COL17A1: variants seen among roughly 807,000 people sequenced by gnomAD.
COL17A1 encodes the protein collagen type XVII alpha 1 chain.
Under a neutral mutation model 218.4 loss-of-function variants are expected in COL17A1, and 181 were observed. That is an observed-to-expected ratio of 0.83 (90% CI 0.73 to 0.94). COL17A1 has a LOEUF of 0.94. Among genes scored for constraint, COL17A1 ranks in the 40% least tolerant of loss-of-function variants. COL17A1 has a pLI of 0.00. For synonymous variants in COL17A1, 721 were observed against 731.0 expected (o/e 0.99, Z 0.22); for missense variants, 1,924 against 1,945.9 (o/e 0.99, Z 0.21).
intron 53 of COL17A1, 58 bp downstream of exon 53, chr10:104,033,180 G>C (rs1844711855): frequency 6.4e-7 from 1 of 1,559,682 alleles, no homozygotes; most frequent in Non-Finnish European, 8.7e-7. Flanking sequence ...CTCTGGAGCA[G>C]ACCCGTGGGA....
At chr10:104,035,815 TGA>T (rs1480578477) in intron 48 of COL17A1, among the ~76,000 whole-genome samples, 5 of 151,548 alleles carry the variant, frequency 3.3e-5, no homozygotes, top group South Asian at 2.1e-4. Context: ...TGTATGGGAG[TGA>T]GTGTGTGTGT....
At chr10:104,032,435 T>G (rs1844698177) in intron 55 of COL17A1, 145 bp from the exon 56 acceptor site, 1 of 821,734 alleles carries the variant, frequency 1.2e-6, no homozygotes, top group African/African-American at 1.7e-5. Context: ...TTTAACTTGT[T>G]TGCCCCATTT....
At chr10:104,074,819 GTGTC>G (rs1564686425) in intron 5 of COL17A1, among the ~76,000 whole-genome samples, 1 of 152,212 alleles carries the variant, frequency 6.6e-6, no homozygotes, top group Non-Finnish European at 1.5e-5. Flanking sequence ...ATTCACTAGA[GTGTC>G]TGGGCCTTAC....
At chr10:104,059,832 G>T in intron 14 of COL17A1, 114 bp from the exon 15 acceptor site, 12 of 1,144,294 alleles carry the variant, frequency 1.0e-5, no homozygotes, top group Non-Finnish European at 1.6e-5. Flanking sequence ...AGGTTAGACT[G>T]GTAAGAAGAG....
intron 41 of COL17A1, 148 bp from the exon 42 acceptor site, chr10:104,039,788 A>C: frequency 1.9e-6 from 2 of 1,070,266 alleles, no homozygotes; most frequent in East Asian, 2.7e-5. Flanking sequence ...ACACACACAC[A>C]CACACACGCA....
In COL17A1 at chr10:104,056,869, C is replaced by T. The variant is rs1312814636; in HGVS notation, c.1465+106G>A. On this transcript the variant is annotated intron_variant, in intron 17 of 55. Coordinates refer to ENST00000648076, the MANE Select transcript of COL17A1 (RefSeq NM_000494.4). Reference sequence around the variant, plus strand: ...CTGCACCAATGCATTCAGGTCCCCTCGCCCCCTAACACGTGGGCCCATTCA... The same window carrying T: ...CTGCACCAATGCATTCAGGTCCCCTTGCCCCCTAACACGTGGGCCCATTCA... The T allele has an allele frequency of 1.3e-5, 20 of 1,538,078 alleles. 1 individual carries two copies. Among genetic ancestry groups the T allele is most frequent in the Admixed American group, 9.8e-5 (5 of 50,930 alleles).
chr10:104,063,370 GTAGT>G (rs2086599294), intron 11 of COL17A1, among the ~76,000 whole-genome samples: 2 of 152,178 alleles, frequency 1.3e-5, no homozygotes, highest in Non-Finnish European at 2.9e-5. Flanking sequence ...AGATCTGAAA[GTAGT>G]TACTCAATGA....
In COL17A1 at chr10:104,040,388, T is replaced by TG; in HGVS notation, c.2723dup (p.Gly909ArgfsTer56). 6.2e-7 allele frequency: 1 copy of TG among 1,611,534 alleles called. No homozygotes were observed. Among genetic ancestry groups the TG allele is most frequent in the Non-Finnish European group, 8.5e-7 (1 of 1,177,682 alleles). On this transcript the variant is annotated frameshift_variant, in exon 40 of 56. Coordinates refer to ENST00000648076, the MANE Select transcript of COL17A1 (RefSeq NM_000494.4). LOFTEE classifies it high-confidence loss of function. Reference sequence around the variant, plus strand: ...TGGGACCTGGGGGGCCAGGTGGGCCTGGGGGGCCGGAGAGGAAGGTTTCTG... The same window carrying TG: ...TGGGACCTGGGGGGCCAGGTGGGCCTGGGGGGGCCGGAGAGGAAGGTTTCTG...
At chr10:104,032,418 A>G in intron 55 of COL17A1, 128 bp from the exon 56 acceptor site, 1 of 867,892 alleles carries the variant, frequency 1.2e-6, no homozygotes, top group South Asian at 1.4e-5. Flanking sequence ...TTGTAAGACT[A>G]CATTTATTTA....
At chr10:104,033,432 G>A (rs1844717925) in intron 52 of COL17A1, 57 bp from the exon 53 acceptor site, 1 of 1,589,328 alleles carries the variant, frequency 6.3e-7, no homozygotes, top group South Asian at 1.1e-5. Flanking sequence ...ACCCTCTTCA[G>A]CAGGAGCACA....
At chr10:104,037,170 A>G in intron 46 of COL17A1, 57 bp from the exon 47 acceptor site, 1 of 1,489,114 alleles carries the variant, frequency 6.7e-7, no homozygotes, top group East Asian at 2.4e-5. Flanking sequence ...CAACACCCTC[A>G]CTATTCCAGA....
intron 44 of COL17A1, 48 bp downstream of exon 44, chr10:104,039,023 C>T (rs376750187): frequency 4.5e-6 from 7 of 1,568,520 alleles, no homozygotes; most frequent in Admixed American, 3.3e-5. Flanking sequence ...AATGATCAGC[C>T]TTCACCAGAA....
At position 104,055,205 on chromosome 10, in the gene COL17A1, G is replaced by A. The variant is rs1448269481; in HGVS notation, c.1717+167C>T. 2.8e-6 allele frequency: 4 copies of A among 1,434,708 alleles called. No individual in the cohort carries two copies. The East Asian group carries it at 9.2e-5, about 33-fold the overall frequency. The allele number at this position is 1,434,708 out of a possible 1,614,324, so 88.9% of individuals were successfully genotyped here. On this transcript the variant is annotated intron_variant, in intron 19 of 55. Transcript: ENST00000648076. ...TTCTCTTAGATGCTGCCTTATCTAA[G>A]ATATTCTGACTCTAAAACCAACAGA... is the stretch of plus-strand genomic sequence containing the variant.
intron 48 of COL17A1, among the ~76,000 whole-genome samples, chr10:104,036,139 T>C (rs1458118046): frequency 5.4e-5 from 2 of 37,184 alleles, no homozygotes; most frequent in Non-Finnish European, 5.2e-5. Flanking sequence ...TATATGTGTG[T>C]GTATGGGTGT....
At position 104,054,080 on chromosome 10, in the gene COL17A1, G is replaced by A; in HGVS notation, c.1771+12C>T. ...ACACTGGCAGGCCTGGAGGTCATCA[G>A]AGAGTACATACCTGGAGTCCCAGGG... is the stretch of plus-strand genomic sequence containing the variant. On this transcript the variant is annotated intron_variant, in intron 21 of 55. Transcript: ENST00000648076. The A allele has an allele frequency of 1.2e-6, 2 of 1,613,160 alleles. No homozygotes were observed. Among genetic ancestry groups the A allele is most frequent in the Non-Finnish European group, 1.7e-6 (2 of 1,179,546 alleles).
intron 14 of COL17A1, 42 bp from the exon 15 acceptor site, chr10:104,059,760 A>C: frequency 8.8e-6 from 14 of 1,582,032 alleles, no homozygotes; most frequent in Non-Finnish European, 1.2e-5. Context: ...TTCTCTTCTC[A>C]ACCTCTCAAC....
intron 6 of COL17A1, among the ~76,000 whole-genome samples, chr10:104,073,756 G>A (rs2086686753): frequency 1.3e-5 from 2 of 152,152 alleles, no homozygotes; most frequent in South Asian, 2.1e-4. Context: ...CAGCTTGGGG[G>A]TTCATGAAGC....
rs118166857 is a variant in COL17A1 at position 104,037,759 on chromosome 10, A to C, written c.3085T>G (p.Ser1029Ala). The C allele has an allele frequency of 3.9e-4, 625 of 1,614,022 alleles. 6 individuals are homozygous for C. The East Asian group carries it at 0.013, about 33-fold the overall frequency. The change falls in exon 46 of 56, where the codon TCT becomes GCT. Residue 1029 changes from serine (S) to alanine (A), a missense_variant. Coordinates refer to ENST00000648076, the MANE Select transcript of COL17A1 (RefSeq NM_000494.4). ...GGACCCTGAACTCCGGATAGGTAAG[A>C]TCTAATACTGTCACCTGCCGACCAA... ...SEYMQSDSIRSYLSGVQGPPG... is the reference protein window; with the variant it reads ...SEYMQSDSIRAYLSGVQGPPG...
In COL17A1 at chr10:104,034,665, T is replaced by C. The variant is rs202211214; in HGVS notation, c.3722A>G (p.Glu1241Gly). 2.5e-6 allele frequency: 4 copies of C among 1,610,622 alleles called. No homozygotes were observed. Among genetic ancestry groups the C allele is most frequent in the Non-Finnish European group, 3.4e-6 (4 of 1,178,760 alleles). ...CTCGCTCCGGAAGCTGTCGCTGTTT[T>C]CAGCTGCATAGGTTGCCAGGGCTCC... ...VSGALATYAA[E>G]NSDSFRSELI... Residue 1241 changes from glutamate (E) to glycine (G), a missense_variant, in exon 51 of 56, where the codon GAA becomes GGA. Transcript: ENST00000648076.
Sources: gnomAD v4.1 joint callset for allele counts (sites outside exome capture counted in the v4.1 genomes callset) on GRCh38, gnomAD v4.1.1 for gene constraint, MANE v1.5 for transcripts, NCBI Gene and HGNC (gene_info 2026-07-23, HGNC 2026-07-21) for gene names.